Variants in LRP1B observed in about 807,000 individuals in gnomAD.
The protein encoded by LRP1B is LDL receptor related protein 1B.
Under a neutral mutation model 556.6 loss-of-function variants are expected in LRP1B, and 217 were observed. That is an observed-to-expected ratio of 0.39 (90% CI 0.35 to 0.44). LRP1B has a LOEUF of 0.44. Among genes scored for constraint, LRP1B ranks in the 20% least tolerant of loss-of-function variants. LRP1B has a pLI of 1.00. For missense variants in LRP1B, 5,053 were observed against 5,620.8 expected (o/e 0.90, Z 3.23); for synonymous variants, 2,047 against 1,865.8 (o/e 1.10, Z -2.50).
chr2:140,325,073 A>C (rs1166287729), intron 80 of LRP1B, among the ~76,000 whole-genome samples: 1 of 152,128 alleles, frequency 6.6e-6, no homozygotes, highest in African/African-American at 2.4e-5. Flanking sequence ...TGTGGTTACA[A>C]AAAAATTGTG....
chr2:141,319,052 A>T (rs760874375), intron 3 of LRP1B, among the ~76,000 whole-genome samples: 8 of 152,070 alleles, frequency 5.3e-5, no homozygotes, highest in Non-Finnish European at 1.2e-4. Context: ...TAAGAGACCT[A>T]AAGTTGCTTT....
chr2:141,919,723 C>G (rs1323560220), intron 1 of LRP1B, among the ~76,000 whole-genome samples: 1 of 151,962 alleles, frequency 6.6e-6, no homozygotes, highest in Non-Finnish European at 1.5e-5. Context: ...TGTATAGATT[C>G]AAAAGAGGTG....
intron 6 of LRP1B, among the ~76,000 whole-genome samples, chr2:141,217,574 T>C (rs1019549823): frequency 6.6e-6 from 1 of 151,978 alleles, no homozygotes; most frequent in African/African-American, 2.4e-5. Flanking sequence ...CTCTCACCAT[T>C]TACAAAAATT....
intron 1 of LRP1B, among the ~76,000 whole-genome samples, chr2:142,125,349 G>A (rs992684082): frequency 7.9e-5 from 12 of 151,698 alleles, no homozygotes; most frequent in African/African-American, 2.9e-4. Flanking sequence ...TACTTGGTGA[G>A]ATTGACATGT....
At chr2:141,754,732 G>A (rs774176140) in intron 2 of LRP1B, among the ~76,000 whole-genome samples, 4 of 152,082 alleles carry the variant, frequency 2.6e-5, no homozygotes, top group Non-Finnish European at 5.9e-5. Context: ...TGGACTAGAC[G>A]AAAATGTCAG....
intron 1 of LRP1B, among the ~76,000 whole-genome samples, chr2:142,117,220 A>G (rs762576855): frequency 6.6e-6 from 1 of 152,132 alleles, no homozygotes; most frequent in African/African-American, 2.4e-5. Flanking sequence ...GTTAAGTCAC[A>G]ATTGGGTCTA....
intron 1 of LRP1B, among the ~76,000 whole-genome samples, chr2:141,946,566 G>A (rs2105025356): frequency 6.6e-6 from 1 of 152,252 alleles, no homozygotes; most frequent in South Asian, 2.1e-4. Context: ...ACAAGTTGGT[G>A]AACTGTAAAA....
In LRP1B at chr2:141,428,966, C is replaced by T. The variant is rs137982216; in HGVS notation, c.343+51430G>A. ...TTATATTACTGATTCATTTCCTAAA[C>T]CATAATCTCTGGGCTGATCAGGAAT... On this transcript the variant is annotated intron_variant, in intron 3 of 90. Coordinates refer to ENST00000389484, the MANE Select transcript of LRP1B (RefSeq NM_018557.3). Among the ~76,000 whole-genome samples the T allele has an allele frequency of 1.7e-3, 260 of 152,202 alleles. 3 individuals carry two copies. The highest frequency in any genetic ancestry group is 2.9e-4 in the Non-Finnish European group (20 of 68,004).
At chr2:141,475,112 G>A (rs899230297) in intron 3 of LRP1B, among the ~76,000 whole-genome samples, 2 of 152,088 alleles carry the variant, frequency 1.3e-5, no homozygotes, top group Non-Finnish European at 2.9e-5. Context: ...GGTGGCTCAC[G>A]CCTGTAATCC....
At chr2:140,233,790 A>G (rs1299013817) in intron 90 of LRP1B, among the ~76,000 whole-genome samples, 1 of 151,380 alleles carries the variant, frequency 6.6e-6, no homozygotes, top group African/African-American at 2.4e-5. Context: ...AAAACAAGTA[A>G]ACAAAAATGT....
At chr2:140,644,066 C>T (rs185942613) in intron 41 of LRP1B, among the ~76,000 whole-genome samples, 126 of 152,300 alleles carry the variant, frequency 8.3e-4, no homozygotes, top group Non-Finnish European at 5.7e-4. Flanking sequence ...CATTTTGCAG[C>T]TTTGCTCTTT....
chr2:141,612,598 A>G (rs1478549233), intron 2 of LRP1B, among the ~76,000 whole-genome samples: 1 of 152,222 alleles, frequency 6.6e-6, no homozygotes, highest in Non-Finnish European at 1.5e-5. Flanking sequence ...ATTTGTAGAA[A>G]TACACCCAAA....
At chr2:141,973,410 G>GTA (rs1204849470) in intron 1 of LRP1B, among the ~76,000 whole-genome samples, 1 of 151,670 alleles carries the variant, frequency 6.6e-6, no homozygotes, top group Non-Finnish European at 1.5e-5. Flanking sequence ...TTGTCCAGAT[G>GTA]TATATATATC....
At chr2:141,035,510 C>T (rs1698506871) in intron 11 of LRP1B, among the ~76,000 whole-genome samples, 1 of 152,126 alleles carries the variant, frequency 6.6e-6, no homozygotes, top group East Asian at 1.9e-4. Flanking sequence ...AGAACAACCA[C>T]TTGATATTTT....
At chr2:141,865,809 G>T (rs2105793525) in intron 1 of LRP1B, among the ~76,000 whole-genome samples, 1 of 152,236 alleles carries the variant, frequency 6.6e-6, no homozygotes, top group Admixed American at 6.5e-5. Flanking sequence ...GGTTAAATGG[G>T]TTTACACAAG....
intron 37 of LRP1B, among the ~76,000 whole-genome samples, chr2:140,711,374 C>T (rs780721150): frequency 5.9e-5 from 9 of 151,970 alleles, no homozygotes; most frequent in Non-Finnish European, 1.3e-4. Context: ...ATTCATAGAG[C>T]TGTGTTGGTC....
intron 1 of LRP1B, among the ~76,000 whole-genome samples, chr2:142,067,089 C>A (rs958580663): frequency 6.6e-6 from 1 of 151,506 alleles, no homozygotes; most frequent in African/African-American, 2.4e-5. Flanking sequence ...CACATCTCAT[C>A]ATTCCAAACT....
intron 2 of LRP1B, among the ~76,000 whole-genome samples, chr2:141,725,714 G>A (rs908182091): frequency 1.3e-5 from 2 of 151,726 alleles, no homozygotes; most frequent in Non-Finnish European, 3.0e-5. Context: ...CTTTGAAATC[G>A]TTATTTTACT....
chr2:141,163,002 G>T (rs1003566336), intron 7 of LRP1B, among the ~76,000 whole-genome samples: 4 of 152,060 alleles, frequency 2.6e-5, no homozygotes, highest in African/African-American at 7.2e-5. Flanking sequence ...GGAGGAAAGA[G>T]GTTTGTCATC....
Sources: allele counts gnomAD v4.1 joint callset (sites outside exome capture counted in the v4.1 genomes callset), GRCh38; gene constraint gnomAD v4.1.1; transcripts MANE v1.5; gene names NCBI Gene and HGNC (gene_info 2026-07-23, HGNC 2026-07-21).